LCT: variants seen among roughly 807,000 people sequenced by gnomAD.
LCT encodes the protein lactase.
In LCT, 90 loss-of-function variants were observed where a neutral mutation model predicts 173.0. The ratio of observed to expected loss-of-function variants is 0.52; its 90% CI spans 0.44 to 0.62. LCT has a LOEUF of 0.62. Ranked by LOEUF, LCT falls within the 20% of genes least tolerant of loss-of-function variation. The probability of loss-of-function intolerance (pLI) is 0.00; values close to 1 mark genes in which losing one functional copy is unlikely to be tolerated. For synonymous variants in LCT, 853 were observed against 957.6 expected (o/e 0.89, Z 2.02); for missense variants, 1,864 against 2,431.4 (o/e 0.77, Z 4.91).
chr2:135,828,274 C>T (rs562142939), intron 3 of LCT, among the ~76,000 whole-genome samples: 24 of 152,282 alleles, frequency 1.6e-4, no homozygotes, highest in African/African-American at 4.8e-4. Flanking sequence ...CCACCCACCT[C>T]GGCCTCCCAA....
chr2:135,796,316 A>G (rs1210841075), intron 13 of LCT, among the ~76,000 whole-genome samples: 1 of 152,164 alleles, frequency 6.6e-6, no homozygotes. Context: ...TTCTGAGATG[A>G]TGGGAGAAAA....
At chr2:135,791,496 C>A (rs1182320762) in intron 14 of LCT, among the ~76,000 whole-genome samples, 1 of 152,212 alleles carries the variant, frequency 6.6e-6, no homozygotes, top group Non-Finnish European at 1.5e-5. Flanking sequence ...GCCTGATCAC[C>A]TGTAGTCACA....
intron 6 of LCT, among the ~76,000 whole-genome samples, chr2:135,815,206 G>T (rs2077769328): frequency 6.6e-6 from 1 of 152,116 alleles, no homozygotes; most frequent in Non-Finnish European, 1.5e-5. Context: ...TGTTATTGCA[G>T]CTCAAGCTCA....
In LCT at chr2:135,811,026, C is replaced by CA. The variant is rs1017659333; in HGVS notation, c.2354-1034dup. Among the ~76,000 whole-genome samples the CA allele has an allele frequency of 4.4e-3, 556 of 124,988 alleles. 5 individuals carry two copies. The highest frequency in any genetic ancestry group is 6.3e-3 in the African/African-American group (211 of 33,606). 82.0% of individuals were successfully genotyped at this position (124,988 alleles called of 152,430 possible). ...TCGGCGACAGAGCCAGACTCCGTCT[C>CA]AAAAAAAAAAAAAGAAAAAAGAAAA... is the stretch of plus-strand genomic sequence containing the variant. On this transcript the variant is annotated intron_variant, in intron 7 of 16. Transcript: ENST00000264162.
chr2:135,836,453 A>C (rs1679383621), intron 1 of LCT, 77 bp downstream of exon 1: 1 of 1,324,936 alleles, frequency 7.5e-7, no homozygotes. Context: ...AGAAATGTCG[A>C]ATCTGCTCTA....
At position 135,817,647 on chromosome 2, in the gene LCT, G is replaced by T; in HGVS notation, c.1401C>A (p.Ser467Arg). Reference sequence around the variant, plus strand: ...AGGCAACGCCTGGGAGGCTGGGGCTGCTCCCGTGCCCCATGGGGAAGATCC... The same window carrying T: ...AGGCAACGCCTGGGAGGCTGGGGCTTCTCCCGTGCCCCATGGGGAAGATCC... ...WSRIFPMGHG[S>R]SPSLPGVAYY... is the part of the protein sequence containing the mutation. The change falls in exon 6 of 17, where the codon AGC (serine) becomes AGA (arginine). Residue 467 changes from serine (S) to arginine (R), a missense_variant. Transcript: ENST00000264162. The T allele has an allele frequency of 6.2e-7, 1 of 1,613,706 alleles. No homozygotes were observed. Among genetic ancestry groups the T allele is most frequent in the Non-Finnish European group, 8.5e-7 (1 of 1,179,788 alleles).
At chr2:135,821,999 C>T (rs749924880) in intron 5 of LCT, 21 bp downstream of exon 5, 11 of 1,404,972 alleles carry the variant, frequency 7.8e-6, no homozygotes, top group Non-Finnish European at 9.1e-6. Flanking sequence ...ATTGATAGTT[C>T]AATAGGCAAC....
chr2:135,798,223 C>A, intron 12 of LCT, 85 bp from the exon 13 acceptor site: 1 of 792,710 alleles, frequency 1.3e-6, no homozygotes, highest in Non-Finnish European at 2.3e-6. Context: ...AAGTGCCTGG[C>A]CTCACAACCT....
chr2:135,819,051 C>A (rs2077806630), intron 5 of LCT, among the ~76,000 whole-genome samples: 1 of 152,158 alleles, frequency 6.6e-6, no homozygotes, highest in Non-Finnish European at 1.5e-5. Context: ...GACAAAGCAA[C>A]AACAAAGGAG....
rs762651784 is a variant in LCT at position 135,809,826 on chromosome 2, T to G, written c.2521A>C (p.Ile841Leu). The stretch of plus-strand genomic sequence containing the variant: ...GTGAGGAAACCGTTCTTTTCTATGA[T>G]GCTAGTGAAAAAGTAGGCAGATTTC... ...PRKSAYFFTSIIEKNGFLTKG... is the reference protein window; with the variant it reads ...PRKSAYFFTSLIEKNGFLTKG... Residue 841 changes from isoleucine (I) to leucine (L), a missense_variant, in exon 8 of 17, where the codon ATC becomes CTC. Coordinates refer to ENST00000264162, the MANE Select transcript of LCT (RefSeq NM_002299.4). The surrounding 1 kb of genome is among the most constrained non-coding windows in gnomAD (Gnocchi z 5.5). 6.2e-7 allele frequency: 1 copy of G among 1,614,142 alleles called. No homozygotes were observed. The highest frequency in any genetic ancestry group is 1.3e-5 in the African/African-American group (1 of 75,028).
chr2:135,804,728 A>C, intron 10 of LCT, 39 bp downstream of exon 10: 1 of 1,596,654 alleles, frequency 6.3e-7, no homozygotes, highest in Non-Finnish European at 8.6e-7. Flanking sequence ...TGGTTCCTGC[A>C]TGTGGACTTT....
chr2:135,816,551 G>A (rs1377301728), intron 6 of LCT, among the ~76,000 whole-genome samples: 1 of 152,342 alleles, frequency 6.6e-6, no homozygotes, highest in East Asian at 1.9e-4. Context: ...GGCATCGCTT[G>A]TGCTCTGATC....
At chr2:135,815,814 C>A (rs2077776691) in intron 6 of LCT, among the ~76,000 whole-genome samples, 1 of 152,070 alleles carries the variant, frequency 6.6e-6, no homozygotes, top group African/African-American at 2.4e-5. Flanking sequence ...ATTCTCTTGC[C>A]TCAGCCTCCC....
In LCT at chr2:135,803,997, A is replaced by G. The variant is rs2077648071; in HGVS notation, c.4596T>C (p.Phe1532=). Residue 1532 remains phenylalanine (F), a synonymous_variant, in exon 11 of 17, where the codon TTT becomes TTC. Coordinates refer to ENST00000264162, the MANE Select transcript of LCT (RefSeq NM_002299.4). The stretch of plus-strand genomic sequence containing the variant: ...CAAAGGGCTCATTCAGCGTGATCCA[A>G]AACTTCACCTTGTCTCCCAGCCTCT... ...LFQRLGDKVK[F]WITLNEPFVI... 6.2e-7 allele frequency: 1 copy of G among 1,614,190 alleles called. No individual in the cohort carries two copies. Among genetic ancestry groups the G allele is most frequent in the Non-Finnish European group, 8.5e-7 (1 of 1,180,012 alleles).
At chr2:135,833,441 CTTTTTTTT>C (rs35636116) in intron 1 of LCT, among the ~76,000 whole-genome samples, 1 of 53,940 alleles carries the variant, frequency 1.9e-5, no homozygotes, top group Non-Finnish European at 3.1e-5. Context: ...TCCTAAACTT[CTTTTTTTT>C]TTTTTTTTTT....
chr2:135,795,618 A>T (rs1030765), intron 13 of LCT, among the ~76,000 whole-genome samples: 80,603 of 149,722 alleles, frequency 0.54, 25,605 homozygotes, highest in Non-Finnish European at 0.74. Context: ...TAATAATAAT[A>T]ATAATAATAA....
intron 14 of LCT, among the ~76,000 whole-genome samples, chr2:135,793,958 C>T (rs1410912438): frequency 2.3e-5 from 3 of 133,042 alleles, no homozygotes; most frequent in Non-Finnish European, 4.8e-5. Flanking sequence ...GAAACCCCGT[C>T]TCTGCTAAAA....
intron 1 of LCT, among the ~76,000 whole-genome samples, chr2:135,835,999 T>TATATATATAC (rs1679345933): frequency 3.8e-5 from 1 of 26,214 alleles, no homozygotes; most frequent in African/African-American, 6.6e-5. Flanking sequence ...TATATATATA[T>TATATATATAC]ATATATATAT....
chr2:135,797,776 A>G (rs2077594475), intron 13 of LCT, among the ~76,000 whole-genome samples: 1 of 152,154 alleles, frequency 6.6e-6, no homozygotes, highest in South Asian at 2.1e-4. Context: ...TTGTCTGTGG[A>G]GTGGCATAGT....
Sources: allele counts gnomAD v4.1 joint callset (sites outside exome capture counted in the v4.1 genomes callset), GRCh38; gene constraint gnomAD v4.1.1; non-coding constraint Gnocchi (gnomAD v3.1); transcripts MANE v1.5; gene names NCBI Gene and HGNC (gene_info 2026-07-23, HGNC 2026-07-21).